The following TAFA5 variants were observed in gnomAD, a reference collection of about 807,000 sequenced individuals.
TAFA5 encodes TAFA chemokine like family member 5, also known as chemokine-like protein TAFA-5.
Under a neutral mutation model 15.3 loss-of-function variants are expected in TAFA5, and 6 were observed. The observed-to-expected ratio is 0.39, with a 90% CI of 0.21 to 0.77. The LOEUF (loss-of-function observed/expected upper bound fraction) is 0.77, where lower values mean the gene tolerates loss of function less well. Among genes scored for constraint, TAFA5 ranks in the 30% least tolerant of loss-of-function variants. The pLI is 0.41. For missense variants in TAFA5, 161 were observed against 193.1 expected (o/e 0.83, Z 0.98); for synonymous variants, 103 against 80.7 (o/e 1.28, Z -1.48).
At chr22:48,558,652 C>T (rs1231367150) in intron 1 of TAFA5, among the ~76,000 whole-genome samples, 1 of 152,226 alleles carries the variant, frequency 6.6e-6, no homozygotes, top group Non-Finnish European at 1.5e-5. Flanking sequence ...TCCACAGTAT[C>T]TTCCGGGCGT....
intron 2 of TAFA5, among the ~76,000 whole-genome samples, chr22:48,672,501 A>G (rs1927833308): frequency 6.6e-6 from 1 of 152,254 alleles, no homozygotes; most frequent in Admixed American, 6.5e-5. Flanking sequence ...CATATCAGAT[A>G]AGCATTTCCT....
intron 3 of TAFA5, among the ~76,000 whole-genome samples, chr22:48,727,987 A>G (rs1049872931): frequency 6.6e-6 from 1 of 152,360 alleles, no homozygotes; most frequent in South Asian, 2.1e-4. Context: ...TGAGATTTAA[A>G]TAACTTAATC....
intron 1 of TAFA5, among the ~76,000 whole-genome samples, chr22:48,600,045 C>T (rs1248254719): frequency 6.6e-6 from 1 of 152,182 alleles, no homozygotes; most frequent in East Asian, 1.9e-4. Flanking sequence ...CTTGTTGTGT[C>T]ACCCTGTTTC....
intron 1 of TAFA5, among the ~76,000 whole-genome samples, chr22:48,572,010 C>T (rs1923609451): frequency 1.3e-5 from 2 of 152,084 alleles, no homozygotes; most frequent in Admixed American, 6.5e-5. Context: ...GCCTTTTCTC[C>T]CCCTTGGGAG....
chr22:48,744,994 G>A (rs776671499), intron 3 of TAFA5, among the ~76,000 whole-genome samples: 1 of 152,196 alleles, frequency 6.6e-6, no homozygotes, highest in Non-Finnish European at 1.5e-5. Context: ...GACCTCAGGT[G>A]ATCCACCTGC....
intron 2 of TAFA5, among the ~76,000 whole-genome samples, chr22:48,659,763 G>GC (rs199516420): frequency 6.6e-6 from 1 of 152,058 alleles, no homozygotes; most frequent in Admixed American, 6.5e-5. Flanking sequence ...TGGCCTTTTT[G>GC]GTGGGGAACA....
At chr22:48,494,518 G>C (rs1336645513) in intron 1 of TAFA5, among the ~76,000 whole-genome samples, 1 of 152,186 alleles carries the variant, frequency 6.6e-6, no homozygotes, top group African/African-American at 2.4e-5. Flanking sequence ...TGTCCTTGAG[G>C]CTGTGTCAGG....
At position 48,566,844 on chromosome 22, in the gene TAFA5, G is replaced by T. The variant is rs541716704; in HGVS notation, c.112+77140G>T. ...GCCCTGGGTCCATGCAGCCCTTGTG[G>T]TTCTGCAGCTTTTTTGCCGTAGTTT... On this transcript the variant is annotated intron_variant, in intron 1 of 3. Transcript: ENST00000402357. This position sits in a 1 kb window ranked among gnomAD's most constrained non-coding sequence, Gnocchi z 4.5. Among the ~76,000 whole-genome samples, 1 of 152,336 alleles carries T rather than the reference G, an allele frequency of 6.6e-6. No individual in the cohort carries two copies. The highest frequency in any genetic ancestry group is 6.5e-5 in the Admixed American group (1 of 15,310).
chr22:48,594,487 G>A (rs1166237483), intron 1 of TAFA5, among the ~76,000 whole-genome samples: 2 of 152,226 alleles, frequency 1.3e-5, no homozygotes. Context: ...GGGATAGGGA[G>A]GGCTGGGCCC....
At chr22:48,707,331 T>C (rs3818159) in intron 2 of TAFA5, among the ~76,000 whole-genome samples, 47,334 of 151,970 alleles carry the variant, frequency 0.31, 7,649 homozygotes, top group East Asian at 0.53. Context: ...TCGCTGTATC[T>C]GAGGATGTCC....
Position 48,679,008 on chromosome 22 carries a change from TCTCCCGGCTCCGCGTCCATCCC to T in TAFA5, c.263-28708_263-28687del, listed in dbSNP as rs1928076801. Among the ~76,000 whole-genome samples the T allele has an allele frequency of 1.8e-4, 18 of 101,008 alleles. No homozygotes were observed. In the East Asian group the frequency reaches 4.8e-3, roughly 27 times the overall value. 66.3% of individuals were successfully genotyped at this position (101,008 alleles called of 152,430 possible). On this transcript the variant is annotated intron_variant, in intron 2 of 3. Coordinates refer to ENST00000402357, the MANE Select transcript of TAFA5 (RefSeq NM_001082967.3). The stretch of plus-strand genomic sequence containing the variant: ...CCTCTCCCGGCTCCCCGTCCATCCC[TCTCCCGGCTCCGCGTCCATCCC>T]TCTCCTGGCTCCCCAGCTCCCCCTC...
intron 1 of TAFA5, among the ~76,000 whole-genome samples, chr22:48,570,033 A>T (rs1923530976): frequency 6.6e-6 from 1 of 151,956 alleles, no homozygotes; most frequent in Non-Finnish European, 1.5e-5. Flanking sequence ...CGTGCAGATC[A>T]CCCCTCTTTC....
intron 1 of TAFA5, among the ~76,000 whole-genome samples, chr22:48,521,229 G>A (rs569619637): frequency 6.6e-6 from 1 of 152,016 alleles, no homozygotes; most frequent in Non-Finnish European, 1.5e-5. Flanking sequence ...GGCTCATCTG[G>A]GCACTTTTAA....
intron 1 of TAFA5, among the ~76,000 whole-genome samples, chr22:48,542,093 GTGA>G (rs1444905625): frequency 2.7e-5 from 4 of 145,690 alleles, no homozygotes; most frequent in African/African-American, 2.5e-5. Context: ...GTGTGCATGT[GTGA>G]TGTGTGTGTG....
At chr22:48,732,886 A>T (rs1389198428) in intron 3 of TAFA5, among the ~76,000 whole-genome samples, 1 of 152,196 alleles carries the variant, frequency 6.6e-6, no homozygotes, top group African/African-American at 2.4e-5. Context: ...AAGACCCTCC[A>T]CCAGCAAAGA....
intron 1 of TAFA5, among the ~76,000 whole-genome samples, chr22:48,575,571 C>G (rs1450994589): frequency 6.9e-6 from 1 of 145,596 alleles, no homozygotes; most frequent in African/African-American, 2.5e-5. Flanking sequence ...CGCGCAGCGT[C>G]GCCGGCCCCA....
At position 48,592,568 on chromosome 22, in the gene TAFA5, C is replaced by T. The variant is rs73425967; in HGVS notation, c.113-54029C>T. Among the ~76,000 whole-genome samples, 1,128 of 152,242 alleles carry T rather than the reference C, an allele frequency of 7.4e-3. 14 individuals are homozygous for T. The highest frequency in any genetic ancestry group is 0.026 in the African/African-American group (1,075 of 41,560). ...CTGAAGAACCACGAAACGGGTGCTC[C>T]GGGCACTGTCGTTTCTCTTTTCATC... On this transcript the variant is annotated intron_variant, in intron 1 of 3. Transcript: ENST00000402357.
chr22:48,584,345 CCACA>C (rs1014905163), intron 1 of TAFA5, among the ~76,000 whole-genome samples: 1 of 149,410 alleles, frequency 6.7e-6, no homozygotes, highest in Non-Finnish European at 1.5e-5. Flanking sequence ...ATCACACACA[CCACA>C]CACACCGTGC....
intron 1 of TAFA5, among the ~76,000 whole-genome samples, chr22:48,619,267 A>T (rs1925720889): frequency 6.6e-6 from 1 of 152,260 alleles, no homozygotes; most frequent in South Asian, 2.1e-4. Flanking sequence ...GGATCTGTCC[A>T]TGCGGGAAGG....
Sources: gnomAD v4.1 joint callset for allele counts (sites outside exome capture counted in the v4.1 genomes callset) on GRCh38, gnomAD v4.1.1 for gene constraint, Gnocchi (gnomAD v3.1) non-coding constraint, MANE v1.5 for transcripts, NCBI Gene and HGNC (gene_info 2026-07-23, HGNC 2026-07-21) for gene names.